The following SCHIP1 variants were observed in gnomAD, a reference collection of about 807,000 sequenced individuals.
SCHIP1 encodes schwannomin interacting protein 1, also known as schwannomin-interacting protein 1.
Under a neutral mutation model 29.7 loss-of-function variants are expected in SCHIP1, and 8 were observed. The ratio of observed to expected loss-of-function variants is 0.27; its 90% CI spans 0.16 to 0.49. SCHIP1 has a LOEUF of 0.49. Ranked by LOEUF, SCHIP1 falls within the 20% of genes least tolerant of loss-of-function variation. SCHIP1 has a pLI of 0.99. For synonymous variants in SCHIP1, 76 were observed against 94.9 expected (o/e 0.80, Z 1.16); for missense variants, 193 against 294.6 (o/e 0.66, Z 2.52).
At chr3:159,762,969 C>A in the SCHIP1 span, among the ~76,000 whole-genome samples, 1 of 152,170 alleles carries the variant, frequency 6.6e-6, no homozygotes, top group Non-Finnish European at 1.5e-5. Flanking sequence ...GCTCGCCCAA[C>A]CCTTTAGAAC....
chr3:159,502,577 T>A, the SCHIP1 span, among the ~76,000 whole-genome samples: 3 of 152,190 alleles, frequency 2.0e-5, no homozygotes, highest in Non-Finnish European at 4.4e-5. Context: ...TGTGCCATGT[T>A]GGTGTGCTGC....
the SCHIP1 span, among the ~76,000 whole-genome samples, chr3:159,307,017 T>C: frequency 6.6e-6 from 1 of 152,156 alleles, no homozygotes. Context: ...AAACAGATTA[T>C]GCAAAGAGAA....
At chr3:159,806,540 CTT>C in the SCHIP1 span, among the ~76,000 whole-genome samples, 2 of 152,212 alleles carry the variant, frequency 1.3e-5, no homozygotes, top group East Asian at 3.8e-4. Flanking sequence ...ATTGGAGAAA[CTT>C]TGCACAAACC....
chr3:159,622,168 C>A, the SCHIP1 span, among the ~76,000 whole-genome samples: 1 of 152,176 alleles, frequency 6.6e-6, no homozygotes. Flanking sequence ...CAGGCTTGAA[C>A]CTAGCAAGCT....
the SCHIP1 span, among the ~76,000 whole-genome samples, chr3:159,792,479 ATGT>A: frequency 3.0e-4 from 45 of 152,346 alleles, no homozygotes; most frequent in East Asian, 9.6e-4. Context: ...AAATGGTAAC[ATGT>A]TGTTATTATT....
chr3:159,869,781 T>C (rs1715051012), intron 2 of SCHIP1, among the ~76,000 whole-genome samples: 1 of 151,946 alleles, frequency 6.6e-6, no homozygotes. Context: ...ATTGATTCTA[T>C]AGACCAATTT....
At chr3:159,581,503 G>A in the SCHIP1 span, among the ~76,000 whole-genome samples, 6 of 152,266 alleles carry the variant, frequency 3.9e-5, no homozygotes, top group East Asian at 9.6e-4. Flanking sequence ...GGAGCCAAAC[G>A]CAAGGGTGGT....
intron 3 of SCHIP1, chr3:159,887,179 A>C (rs1214840558): frequency 5.8e-5 from 9 of 153,938 alleles, no homozygotes; most frequent in Admixed American, 5.7e-4. Flanking sequence ...GCTTAGAAAT[A>C]TTAGCTCATG....
At chr3:159,702,049 T>C in the SCHIP1 span, among the ~76,000 whole-genome samples, 13 of 152,182 alleles carry the variant, frequency 8.5e-5, no homozygotes, top group African/African-American at 2.9e-4. Flanking sequence ...GGTTGGGGCA[T>C]TGCAGAATCC....
At chr3:159,713,036 TC>T in the SCHIP1 span, among the ~76,000 whole-genome samples, 1 of 151,258 alleles carries the variant, frequency 6.6e-6, no homozygotes, top group African/African-American at 2.4e-5. Context: ...ATGCCTGTAA[TC>T]CCAGCTATTA....
chr3:159,895,047 G>A (rs1717923942), intron 6 of SCHIP1, among the ~76,000 whole-genome samples: 1 of 152,112 alleles, frequency 6.6e-6, no homozygotes, highest in African/African-American at 2.4e-5. Context: ...TAGCTACAGT[G>A]GAATCAAGTT....
chr3:159,589,693 G>A, the SCHIP1 span, among the ~76,000 whole-genome samples: 2 of 152,160 alleles, frequency 1.3e-5, no homozygotes, highest in Non-Finnish European at 2.9e-5. Context: ...GACAGGCTTT[G>A]GCAGAAATTT....
At chr3:159,786,858 G>A in the SCHIP1 span, among the ~76,000 whole-genome samples, 1 of 152,044 alleles carries the variant, frequency 6.6e-6, no homozygotes, top group Non-Finnish European at 1.5e-5. Flanking sequence ...AAATAATTTA[G>A]AGTAACCCCT....
chr3:159,788,443 G>A, the SCHIP1 span, among the ~76,000 whole-genome samples: 1 of 152,178 alleles, frequency 6.6e-6, no homozygotes, highest in African/African-American at 2.4e-5. Context: ...TCTTTCACTT[G>A]TAAGAAATTA....
chr3:159,495,323 G>A, the SCHIP1 span, among the ~76,000 whole-genome samples: 6 of 152,188 alleles, frequency 3.9e-5, no homozygotes, highest in Non-Finnish European at 8.8e-5. Context: ...AATTGTCCCT[G>A]TTTGCAGATG....
At chr3:159,575,878 T>C in the SCHIP1 span, among the ~76,000 whole-genome samples, 1 of 152,190 alleles carries the variant, frequency 6.6e-6, no homozygotes, top group East Asian at 1.9e-4. Flanking sequence ...CACCACAGAT[T>C]AGTTAATATC....
chr3:159,834,821 G>T, the SCHIP1 span, among the ~76,000 whole-genome samples: 4 of 152,280 alleles, frequency 2.6e-5, no homozygotes, highest in Middle Eastern at 0.01. Context: ...TGTGTATAAA[G>T]TGCATATGAA....
At chr3:159,673,353 G>C in the SCHIP1 span, among the ~76,000 whole-genome samples, 4 of 152,240 alleles carry the variant, frequency 2.6e-5, no homozygotes, top group Non-Finnish European at 5.9e-5. Context: ...CACTGATCCT[G>C]TATCCTGCTT....
At chr3:159,344,252 C>T in the SCHIP1 span, among the ~76,000 whole-genome samples, 1 of 147,518 alleles carries the variant, frequency 6.8e-6, no homozygotes, top group Non-Finnish European at 1.5e-5. Context: ...ACCCAGGGGG[C>T]GGAGGTTGCG....
Sources: allele counts gnomAD v4.1 joint callset (sites outside exome capture counted in the v4.1 genomes callset), GRCh38; gene constraint gnomAD v4.1.1; transcripts MANE v1.5; gene names NCBI Gene and HGNC (gene_info 2026-07-23, HGNC 2026-07-21).